Variants in NRG3 observed in about 807,000 individuals in gnomAD.
The protein encoded by NRG3 is pro-neuregulin-3, membrane-bound isoform.
NRG3 carries 31 observed loss-of-function variants against 66.9 expected under a neutral mutation model. That is an observed-to-expected ratio of 0.46 (90% CI 0.35 to 0.63). The LOEUF is 0.63. NRG3 is among the 20% of genes least tolerant of loss of function. The pLI is 0.00. For synonymous variants in NRG3, 393 were observed against 359.4 expected (o/e 1.09, Z -1.06); for missense variants, 910 against 878.9 (o/e 1.04, Z -0.45).
intron 3 of NRG3, among the ~76,000 whole-genome samples, chr10:82,818,201 C>T (rs1028033036): frequency 2.0e-5 from 3 of 152,138 alleles, no homozygotes; most frequent in Admixed American, 6.5e-5. Context: ...GGTAACGCAG[C>T]GTTGCCATGG....
chr10:82,887,611 C>G (rs1392680600), intron 4 of NRG3, among the ~76,000 whole-genome samples: 2 of 152,170 alleles, frequency 1.3e-5, no homozygotes, highest in African/African-American at 4.8e-5. Context: ...ATAGCTCATT[C>G]TGTGAAGCTA....
intron 2 of NRG3, among the ~76,000 whole-genome samples, chr10:82,384,310 G>T (rs966998903): frequency 3.3e-5 from 5 of 151,682 alleles, no homozygotes; most frequent in Non-Finnish European, 5.9e-5. Flanking sequence ...AGGTACATGT[G>T]CAGGATGTTA....
At chr10:82,546,817 A>C (rs1226657261) in intron 2 of NRG3, among the ~76,000 whole-genome samples, 3 of 152,200 alleles carry the variant, frequency 2.0e-5, no homozygotes, top group Non-Finnish European at 1.5e-5. Context: ...CACACAATGG[A>C]ATTGCATATC....
In NRG3 at chr10:82,377,853, G is replaced by T. The variant is rs1456352654; in HGVS notation, c.953+18985G>T. ...GCAAATAACGTTTACAAATCAGGTT[G>T]GATTGGGATTTTTGGAGGATTACCA... On this transcript the variant is annotated intron_variant, in intron 2 of 8. Coordinates refer to ENST00000372141, the MANE Select transcript of NRG3 (RefSeq NM_001010848.4). 3.9e-5 allele frequency among the ~76,000 whole-genome samples: 6 copies of T among 152,182 alleles called. No homozygotes were observed. The East Asian group carries it at 1.2e-3, about 29-fold the overall frequency.
At chr10:82,045,496 A>T (rs2063239926) in intron 1 of NRG3, among the ~76,000 whole-genome samples, 1 of 48,996 alleles carries the variant, frequency 2.0e-5, no homozygotes, top group African/African-American at 4.8e-5. Context: ...GGTTGTGAGA[A>T]TTTTCTCCCA....
At chr10:82,793,365 A>T (rs187333381) in intron 3 of NRG3, among the ~76,000 whole-genome samples, 7 of 152,268 alleles carry the variant, frequency 4.6e-5, no homozygotes, top group African/African-American at 1.2e-4. Flanking sequence ...AATTGGACGT[A>T]TCTGTGCTGA....
At position 82,193,075 on chromosome 10, in the gene NRG3, A is replaced by G. The variant is rs77659862; in HGVS notation, c.824-165664A>G. On this transcript the variant is annotated intron_variant, in intron 1 of 8. Transcript: ENST00000372141. The stretch of plus-strand genomic sequence containing the variant: ...TTTCCACATTATAATAAAGAATTAG[A>G]TATTTATTATAAGTGCAATGGGAAA... Among the ~76,000 whole-genome samples the G allele has an allele frequency of 8.9e-3, 1,352 of 152,222 alleles. 18 individuals carry two copies. Among genetic ancestry groups the G allele is most frequent in the African/African-American group, 0.031 (1,278 of 41,536 alleles).
At chr10:82,954,069 A>G (rs1278610469) in intron 5 of NRG3, among the ~76,000 whole-genome samples, 18 of 151,860 alleles carry the variant, frequency 1.2e-4, no homozygotes, top group Non-Finnish European at 2.4e-4. Context: ...TCCACACTAG[A>G]ACTTGGAGGC....
At chr10:82,684,830 C>T (rs1326585829) in intron 2 of NRG3, among the ~76,000 whole-genome samples, 1 of 151,690 alleles carries the variant, frequency 6.6e-6, no homozygotes, top group Admixed American at 6.6e-5. Context: ...AGCAAAGGTC[C>T]AAAAAATTGT....
chr10:82,198,266 TTGGG>T (rs1322492081), intron 1 of NRG3, among the ~76,000 whole-genome samples: 1 of 151,564 alleles, frequency 6.6e-6, no homozygotes, highest in African/African-American at 2.4e-5. Flanking sequence ...CACTACTTCC[TTGGG>T]TGGCAGATCA....
chr10:82,827,199 A>C (rs941703557), intron 3 of NRG3: 10 of 280,950 alleles, frequency 3.6e-5, no homozygotes, highest in African/African-American at 3.5e-4. Context: ...TTTGTTACCA[A>C]ATTGTAAAAA....
At chr10:82,797,629 C>T (rs990112012) in intron 3 of NRG3, among the ~76,000 whole-genome samples, 1 of 152,128 alleles carries the variant, frequency 6.6e-6, no homozygotes, top group Non-Finnish European at 1.5e-5. Flanking sequence ...CAAAGTACCT[C>T]GAATCTGTTC....
intron 1 of NRG3, among the ~76,000 whole-genome samples, chr10:82,227,446 G>A (rs1324536637): frequency 2.0e-5 from 3 of 151,848 alleles, no homozygotes; most frequent in Admixed American, 2.0e-4. Context: ...TTGATGCTGG[G>A]TTTGATTAAG....
intron 2 of NRG3, among the ~76,000 whole-genome samples, chr10:82,630,361 T>A (rs1388782866): frequency 6.6e-6 from 1 of 150,938 alleles, no homozygotes; most frequent in Middle Eastern, 3.4e-3. Flanking sequence ...TTTTCTTTTT[T>A]TTTTTTTTTT....
At chr10:82,304,696 A>G (rs2080609728) in intron 1 of NRG3, among the ~76,000 whole-genome samples, 1 of 152,148 alleles carries the variant, frequency 6.6e-6, no homozygotes, top group African/African-American at 2.4e-5. Flanking sequence ...GCCTGGGGCT[A>G]ATATGAATTC....
At chr10:81,951,323 A>G (rs1849336211) in intron 1 of NRG3, among the ~76,000 whole-genome samples, 1 of 152,062 alleles carries the variant, frequency 6.6e-6, no homozygotes, top group Non-Finnish European at 1.5e-5. Flanking sequence ...ATATTTCCTG[A>G]TTTGCACTGA....
chr10:82,547,110 TTTTA>T (rs1465511989), intron 2 of NRG3, among the ~76,000 whole-genome samples: 6 of 152,158 alleles, frequency 3.9e-5, no homozygotes, highest in Non-Finnish European at 2.9e-5. Flanking sequence ...ATGAGCCATA[TTTTA>T]TTCATTCGTA....
At chr10:82,463,053 A>G (rs2091594495) in intron 2 of NRG3, among the ~76,000 whole-genome samples, 1 of 152,190 alleles carries the variant, frequency 6.6e-6, no homozygotes, top group Non-Finnish European at 1.5e-5. Flanking sequence ...CCAGCTCCCC[A>G]GGCGTTCCTG....
At chr10:82,689,766 C>T (rs796606841) in intron 2 of NRG3, among the ~76,000 whole-genome samples, 7 of 152,078 alleles carry the variant, frequency 4.6e-5, no homozygotes, top group South Asian at 4.2e-4. Flanking sequence ...AATTGGAAGA[C>T]GAAAGTGAAG....
Sources: gnomAD v4.1 joint callset for allele counts (sites outside exome capture counted in the v4.1 genomes callset) on GRCh38, gnomAD v4.1.1 for gene constraint, MANE v1.5 for transcripts, NCBI Gene and HGNC (gene_info 2026-07-23, HGNC 2026-07-21) for gene names.